NRSN1: variants seen among roughly 807,000 people sequenced by gnomAD.
The protein encoded by NRSN1 is neurensin 1, also known as neurensin-1.
A neutral mutation model predicts 17.3 loss-of-function variants in NRSN1; 14 were observed. The observed-to-expected ratio is 0.81, with a 90% CI of 0.54 to 1.27. NRSN1 has a LOEUF of 1.27. Among genes scored for constraint, NRSN1 ranks in the 50% most tolerant of loss-of-function variants. NRSN1 has a pLI of 0.00. For missense variants in NRSN1, 209 were observed against 235.9 expected (o/e 0.89, Z 0.75); for synonymous variants, 79 against 94.2 (o/e 0.84, Z 0.93).
rs1760307652 is a variant in NRSN1 at position 24,146,458 on chromosome 6, G to A, written c.*512G>A. 2.9e-6 allele frequency: 1 copy of A among 349,464 alleles called. No homozygotes were observed. Among genetic ancestry groups the A allele is most frequent in the South Asian group, 2.2e-5 (1 of 44,680 alleles). 21.6% of individuals were successfully genotyped at this position (349,464 alleles called of 1,614,324 possible). A position where few individuals can be genotyped will look rare whatever the true frequency, so the allele number is the denominator to read the frequency against. ...GTTTTTAGACTGTATCTTGACATGA[G>A]GTTCCTGACATTGGATACAAAGTTA... On this transcript the variant is annotated 3_prime_UTR_variant, in exon 4 of 4. Coordinates refer to ENST00000378491, the MANE Select transcript of NRSN1 (RefSeq NM_080723.5).
At chr6:24,142,849 A>AGAG (rs1451973435) in intron 3 of NRSN1, among the ~76,000 whole-genome samples, 1 of 152,220 alleles carries the variant, frequency 6.6e-6, no homozygotes, top group Non-Finnish European at 1.5e-5. Context: ...CAGGGTGGAA[A>AGAG]GAGACCAGAG....
Position 24,134,473 on chromosome 6 carries a change from AG to A in NRSN1, c.147del (p.Ile50SerfsTer24), listed in dbSNP as rs1760086932. On this transcript the variant is annotated frameshift_variant, in exon 3 of 4. Coordinates refer to ENST00000378491, the MANE Select transcript of NRSN1 (RefSeq NM_080723.5). LOFTEE classifies it high-confidence loss of function. ...ATTTGGGAGTATGAGGATGATTTCC[AG>A]ATCCAAAGATCACCTAACAGGTGGA... ...ASIWEYEDDF[Q>X]IQRSPNRWSS... 1 of 1,614,066 alleles carries A rather than the reference AG, an allele frequency of 6.2e-7. No individual in the cohort carries two copies. The highest frequency in any genetic ancestry group is 1.3e-5 in the African/African-American group (1 of 74,942).
At chr6:24,143,662 C>G (rs1760256755) in intron 3 of NRSN1, among the ~76,000 whole-genome samples, 1 of 152,158 alleles carries the variant, frequency 6.6e-6, no homozygotes, top group South Asian at 2.1e-4. Context: ...ATGGTGTTAG[C>G]TATTCCTTAT....
intron 2 of NRSN1, among the ~76,000 whole-genome samples, chr6:24,134,040 G>GTGTGTGTGTGTT (rs1052218749): frequency 6.6e-6 from 1 of 151,004 alleles, no homozygotes; most frequent in East Asian, 1.9e-4. Flanking sequence ...GTGTGTGTGT[G>GTGTGTGTGTGTT]TTTTTAGTAG....
chr6:24,141,059 C>A, intron 3 of NRSN1: 1 of 1,456,656 alleles, frequency 6.9e-7, no homozygotes, highest in South Asian at 1.5e-5. Flanking sequence ...TTGGGATTGG[C>A]CTTACCACCC....
At chr6:24,143,733 G>A (rs1449152468) in intron 3 of NRSN1, among the ~76,000 whole-genome samples, 1 of 152,184 alleles carries the variant, frequency 6.6e-6, no homozygotes, top group East Asian at 1.9e-4. Context: ...TTCAAGGGGT[G>A]TCTTTCCAAA....
intron 3 of NRSN1, among the ~76,000 whole-genome samples, chr6:24,137,242 G>A (rs925244581): frequency 6.6e-6 from 1 of 152,182 alleles, no homozygotes; most frequent in Non-Finnish European, 1.5e-5. Context: ...TGAGAAAGGA[G>A]ATTGAAATCA....
At chr6:24,126,714 G>A (rs902307843) in intron 1 of NRSN1, among the ~76,000 whole-genome samples, 2 of 150,622 alleles carry the variant, frequency 1.3e-5, no homozygotes, top group African/African-American at 4.8e-5. Context: ...TATGTATCTA[G>A]AGTTTGCAAA....
At chr6:24,143,335 A>G (rs541706625) in intron 3 of NRSN1, among the ~76,000 whole-genome samples, 146 of 152,288 alleles carry the variant, frequency 9.6e-4, no homozygotes, top group African/African-American at 3.4e-3. Context: ...TCAGTTTCTT[A>G]TAGGTGAAAT....
Position 24,143,281 on chromosome 6 carries a change from GCC to G in NRSN1, c.190-2266_190-2265del, listed in dbSNP as rs774154913. On this transcript the variant is annotated intron_variant, in intron 3 of 3. Coordinates refer to ENST00000378491, the MANE Select transcript of NRSN1 (RefSeq NM_080723.5). ...CAAAGTGCTAAGATTACAGGCATGA[GCC>G]ACCATGCCCGGCTAAAGTATGCTTC... Among the ~76,000 whole-genome samples the G allele has an allele frequency of 3.4e-4, 51 of 152,028 alleles. 1 individual carries two copies. The highest frequency in any genetic ancestry group is 3.5e-4 in the Non-Finnish European group (24 of 67,974).
chr6:24,130,290 TA>T (rs1438123936), intron 2 of NRSN1, among the ~76,000 whole-genome samples: 1 of 152,214 alleles, frequency 6.6e-6, no homozygotes, highest in Non-Finnish European at 1.5e-5. Context: ...TCTAGTTTGT[TA>T]TATATAGTTT....
At chr6:24,144,898 G>A (rs1382945406) in intron 3 of NRSN1, among the ~76,000 whole-genome samples, 4 of 151,388 alleles carry the variant, frequency 2.6e-5, no homozygotes, top group African/African-American at 7.3e-5. Context: ...GGATATCAGG[G>A]CTACTCTTCT....
rs1203011723 is a variant in NRSN1, at chr6:24,145,282, G to GTATATCTTTAGATATATAATATATA, written c.190-260_190-236dup. 4.1e-5 allele frequency among the ~76,000 whole-genome samples: 6 copies of GTATATCTTTAGATATATAATATATA among 145,700 alleles called. No homozygotes were observed. Among genetic ancestry groups the GTATATCTTTAGATATATAATATATA allele is most frequent in the African/African-American group, 1.5e-4 (6 of 39,628 alleles). The stretch of plus-strand genomic sequence containing the variant: ...ATATATCTTTAGATATACAATATAT[G>GTATATCTTTAGATATATAATATATA]TATATCTTTAGATATATAATATATA... On this transcript the variant is annotated intron_variant, in intron 3 of 3. Coordinates refer to ENST00000378491, the MANE Select transcript of NRSN1 (RefSeq NM_080723.5). The surrounding 1 kb of genome is among the most constrained non-coding windows in gnomAD (Gnocchi z 4.4).
chr6:24,147,223 A>T lies in NRSN1; in HGVS notation c.*1277A>T, dbSNP rs889271508. On this transcript the variant is annotated 3_prime_UTR_variant, in exon 4 of 4. Coordinates refer to ENST00000378491, the MANE Select transcript of NRSN1 (RefSeq NM_080723.5). The stretch of plus-strand genomic sequence containing the variant: ...ACCTTAAAAAGGGTTTTCATTCTCA[A>T]ACAAGATGCTTTGTTCTCCAACAAG... The T allele has an allele frequency of 1.3e-5, 2 of 152,204 alleles. No homozygotes were observed. Among genetic ancestry groups the T allele is most frequent in the East Asian group, 3.8e-4 (2 of 5,204 alleles). 9.4% of individuals were successfully genotyped at this position (152,204 alleles called of 1,614,324 possible). A position where few individuals can be genotyped will look rare whatever the true frequency, so the allele number is the denominator to read the frequency against.
chr6:24,130,258 T>C (rs1168377285), intron 2 of NRSN1, among the ~76,000 whole-genome samples: 3 of 151,764 alleles, frequency 2.0e-5, no homozygotes, highest in Admixed American at 6.6e-5. Flanking sequence ...CCTTTGCACA[T>C]AGCTTCTGTT....
At chr6:24,132,741 T>C (rs1487797124) in intron 2 of NRSN1, among the ~76,000 whole-genome samples, 4 of 152,180 alleles carry the variant, frequency 2.6e-5, no homozygotes, top group Admixed American at 6.5e-5. Flanking sequence ...GCTTGTTACA[T>C]AGGTATACAT....
chr6:24,146,051 G>C lies in NRSN1; in HGVS notation c.*105G>C, dbSNP rs1581554647. 4 of 1,150,350 alleles carry C rather than the reference G, an allele frequency of 3.5e-6. No individual in the cohort carries two copies. The East Asian group carries it at 9.4e-5, about 27-fold the overall frequency. 71.3% of individuals were successfully genotyped at this position (1,150,350 alleles called of 1,614,324 possible). ...ATTTGGCGTTGACTGCCCTAGGGCT[G>C]TGTTCAGCTGTGGGCAATATAATGG... On this transcript the variant is annotated 3_prime_UTR_variant, in exon 4 of 4. Coordinates refer to ENST00000378491, the MANE Select transcript of NRSN1 (RefSeq NM_080723.5).
chr6:24,130,543 T>C (rs1318092188), intron 2 of NRSN1, among the ~76,000 whole-genome samples: 1 of 152,198 alleles, frequency 6.6e-6, no homozygotes, highest in Non-Finnish European at 1.5e-5. Context: ...TAGGAGTGAA[T>C]TCCAGGTAGT....
At chr6:24,140,549 C>T (rs530204757) in intron 3 of NRSN1, among the ~76,000 whole-genome samples, 2 of 152,322 alleles carry the variant, frequency 1.3e-5, no homozygotes, top group Middle Eastern at 3.4e-3. Context: ...CAGCACAGCC[C>T]TCAAGGGCTG....
Sources: allele counts gnomAD v4.1 joint callset (sites outside exome capture counted in the v4.1 genomes callset), GRCh38; gene constraint gnomAD v4.1.1; non-coding constraint Gnocchi (gnomAD v3.1); transcripts MANE v1.5; gene names NCBI Gene and HGNC (gene_info 2026-07-23, HGNC 2026-07-21).